The following NELL2 variants were observed in gnomAD, a reference collection of about 807,000 sequenced individuals.
NELL2 encodes the protein neural EGFL like 2.
Under a neutral mutation model 109.6 loss-of-function variants are expected in NELL2, and 41 were observed. That is an observed-to-expected ratio of 0.37 (90% CI 0.29 to 0.49). The LOEUF (loss-of-function observed/expected upper bound fraction) is 0.49, where lower values mean the gene tolerates loss of function less well. Ranked by LOEUF, NELL2 falls within the 20% of genes least tolerant of loss-of-function variation. NELL2 has a pLI of 0.98. For synonymous variants in NELL2, 355 were observed against 344.7 expected (o/e 1.03, Z -0.33); for missense variants, 900 against 1,008.3 (o/e 0.89, Z 1.45).
intron 12 of NELL2, among the ~76,000 whole-genome samples, chr12:44,701,962 G>A (rs1036642592): frequency 7.9e-5 from 12 of 152,126 alleles, no homozygotes; most frequent in East Asian, 3.9e-4. Context: ...TCTTTTGTCC[G>A]CTCCACTACG....
At chr12:44,754,410 G>A (rs1342332074) in intron 9 of NELL2, among the ~76,000 whole-genome samples, 1 of 152,114 alleles carries the variant, frequency 6.6e-6, no homozygotes, top group Non-Finnish European at 1.5e-5. Context: ...TTACCTAAAT[G>A]GAAATGTTAG....
chr12:44,588,125 C>G (rs565019565), intron 15 of NELL2, among the ~76,000 whole-genome samples: 3 of 150,708 alleles, frequency 2.0e-5, no homozygotes, highest in Non-Finnish European at 4.4e-5. Flanking sequence ...CCGAGATCAT[C>G]GTGCCACTGC....
intron 9 of NELL2, among the ~76,000 whole-genome samples, chr12:44,773,724 A>G (rs143456342): frequency 1.9e-3 from 294 of 152,332 alleles, no homozygotes; most frequent in African/African-American, 6.5e-3. Flanking sequence ...AGTTCCACTG[A>G]ATCGACTTGA....
chr12:44,688,718 G>T (rs1209137857), intron 12 of NELL2, among the ~76,000 whole-genome samples: 2 of 152,144 alleles, frequency 1.3e-5, no homozygotes, highest in Non-Finnish European at 2.9e-5. Context: ...ATTCATCTGC[G>T]TGTTAAATCT....
chr12:44,858,131 C>T (rs1944735735), intron 2 of NELL2, among the ~76,000 whole-genome samples: 1 of 152,148 alleles, frequency 6.6e-6, no homozygotes. Context: ...CTATGATGCA[C>T]ACATTGACCC....
intron 12 of NELL2, among the ~76,000 whole-genome samples, chr12:44,694,309 T>C (rs1446467655): frequency 1.3e-5 from 2 of 152,110 alleles, no homozygotes; most frequent in South Asian, 2.1e-4. Flanking sequence ...AATTAGAACG[T>C]TGGTCTTCTC....
chr12:44,756,176 T>A (rs1425374826), intron 9 of NELL2, among the ~76,000 whole-genome samples: 1 of 152,154 alleles, frequency 6.6e-6, no homozygotes, highest in Non-Finnish European at 1.5e-5. Flanking sequence ...TCCCTTCTGT[T>A]TGTACATAGA....
chr12:44,836,289 G>A (rs1471175002), intron 2 of NELL2, among the ~76,000 whole-genome samples: 1 of 152,176 alleles, frequency 6.6e-6, no homozygotes, highest in Admixed American at 6.5e-5. Flanking sequence ...AGGCGGGTGA[G>A]ATCCCAATCT....
chr12:44,913,003 A>G (rs1017501799), intron 1 of NELL2, among the ~76,000 whole-genome samples: 1 of 152,202 alleles, frequency 6.6e-6, no homozygotes, highest in Non-Finnish European at 1.5e-5. Flanking sequence ...AAGTTGAATG[A>G]GCAAATATTT....
intron 1 of NELL2, among the ~76,000 whole-genome samples, chr12:44,912,380 T>C (rs963500019): frequency 6.6e-6 from 1 of 151,946 alleles, no homozygotes; most frequent in African/African-American, 2.4e-5. Context: ...TCAAACAGAG[T>C]TAAACAAAAT....
intron 15 of NELL2, among the ~76,000 whole-genome samples, chr12:44,579,630 C>T (rs112068628): frequency 1.4e-4 from 21 of 152,082 alleles, no homozygotes; most frequent in Non-Finnish European, 2.6e-4. Flanking sequence ...CAGAAGAATG[C>T]CTACTAAATA....
intron 13 of NELL2, among the ~76,000 whole-genome samples, chr12:44,646,618 T>G (rs962511303): frequency 6.6e-6 from 1 of 152,178 alleles, no homozygotes; most frequent in Non-Finnish European, 1.5e-5. Context: ...CTCAACCATT[T>G]TTGGATTGCT....
chr12:44,849,886 C>G (rs1944483043), intron 2 of NELL2, among the ~76,000 whole-genome samples: 1 of 152,024 alleles, frequency 6.6e-6, no homozygotes, highest in African/African-American at 2.4e-5. Flanking sequence ...AAGCCAGGCA[C>G]AAAAGCATAT....
intron 9 of NELL2, among the ~76,000 whole-genome samples, chr12:44,768,162 T>A (rs1218784725): frequency 6.6e-6 from 1 of 152,150 alleles, no homozygotes; most frequent in Admixed American, 6.5e-5. Flanking sequence ...TTAAAATATA[T>A]CACATGCTGT....
In NELL2 at chr12:44,508,781, A is replaced by T. The variant is rs1940842447; in HGVS notation, c.*153T>A. ...TAATTTTCCTTTTGTGATTTTGTCA[A>T]GCTCCACAAATTTCATAATTGAAAG... On this transcript the variant is annotated 3_prime_UTR_variant, in exon 20 of 20. Transcript: ENST00000429094. 1 of 664,530 alleles carries T rather than the reference A, an allele frequency of 1.5e-6. No homozygotes were observed. The highest frequency in any genetic ancestry group is 3.0e-5 in the Admixed American group (1 of 33,598). 41.2% of individuals were successfully genotyped at this position (664,530 alleles called of 1,614,324 possible). A position where few individuals can be genotyped will look rare whatever the true frequency, so the allele number is the denominator to read the frequency against.
chr12:44,789,937 T>G (rs1020715598), intron 3 of NELL2, among the ~76,000 whole-genome samples: 2 of 151,878 alleles, frequency 1.3e-5, no homozygotes, highest in African/African-American at 2.4e-5. Context: ...GAAAGAAGAA[T>G]GAGAAAATAT....
intron 3 of NELL2, among the ~76,000 whole-genome samples, chr12:44,791,930 T>C (rs948956158): frequency 1.3e-5 from 2 of 148,826 alleles, no homozygotes; most frequent in African/African-American, 2.5e-5. Context: ...CAGGAAAGCA[T>C]AGGGATTCCC....
chr12:44,916,206 A>T (rs1286095564), upstream of NELL2, among the ~76,000 whole-genome samples: 2 of 152,248 alleles, frequency 1.3e-5, no homozygotes, highest in Admixed American at 6.5e-5. Context: ...GAAAGCTGCA[A>T]ATAACTGCAG....
chr12:44,792,092 A>G (rs1942457737), intron 3 of NELL2, among the ~76,000 whole-genome samples: 1 of 152,178 alleles, frequency 6.6e-6, no homozygotes, highest in South Asian at 2.1e-4. Context: ...AAAAAGAGGG[A>G]GTGATCAACT....
Sources: allele counts gnomAD v4.1 joint callset (sites outside exome capture counted in the v4.1 genomes callset), GRCh38; gene constraint gnomAD v4.1.1; transcripts MANE v1.5; gene names NCBI Gene and HGNC (gene_info 2026-07-23, HGNC 2026-07-21).